The following SETD2 variants were observed in gnomAD, a reference collection of about 807,000 sequenced individuals.
SETD2 encodes SET domain containing 2, histone lysine methyltransferase.
SETD2 carries 31 observed loss-of-function variants against 242.1 expected under a neutral mutation model. The observed-to-expected ratio is 0.13, with a 90% CI of 0.10 to 0.17. The LOEUF (loss-of-function observed/expected upper bound fraction) is 0.17, where lower values mean the gene tolerates loss of function less well. SETD2 is among the 10% of genes least tolerant of loss of function. The pLI is 1.00. For missense variants in SETD2, 2,481 were observed against 3,046.3 expected, an observed-to-expected ratio of 0.81 and a Z score of 4.37; for synonymous variants, 1,006 against 1,066.5, an observed-to-expected ratio of 0.94 and a Z score of 1.11.
At chr3:47,103,317 C>T (rs754442399) in intron 7 of SETD2, 29 bp downstream of exon 7, 1 of 1,490,950 alleles carries the variant, frequency 6.7e-7, no homozygotes. Flanking sequence ...TGAACAAATA[C>T]CTCAAACTCT....
chr3:47,087,654 C>G (rs925821706), intron 10 of SETD2, among the ~76,000 whole-genome samples: 8 of 152,118 alleles, frequency 5.3e-5, no homozygotes, highest in Admixed American at 2.6e-4. Flanking sequence ...AAGTCATACA[C>G]AACTCACATA....
At chr3:47,048,585 AACTT>A (rs2039640534) in intron 15 of SETD2, among the ~76,000 whole-genome samples, 1 of 152,104 alleles carries the variant, frequency 6.6e-6, no homozygotes, top group Non-Finnish European at 1.5e-5. Context: ...AATTAACTGT[AACTT>A]ACTATAACTT....
chr3:47,020,185 T>C (rs2038156450), intron 18 of SETD2, among the ~76,000 whole-genome samples: 1 of 151,970 alleles, frequency 6.6e-6, no homozygotes, highest in Admixed American at 6.6e-5. Flanking sequence ...CAAAACAAGC[T>C]CCATCTCTCC....
At chr3:47,055,264 G>A (rs932466006) in intron 15 of SETD2, among the ~76,000 whole-genome samples, 2 of 152,186 alleles carry the variant, frequency 1.3e-5, no homozygotes, top group African/African-American at 4.8e-5. Context: ...AAAAATTACT[G>A]TTTAATACTA....
intron 12 of SETD2, among the ~76,000 whole-genome samples, chr3:47,075,286 G>A (rs2041009209): frequency 6.6e-6 from 1 of 151,890 alleles, no homozygotes. Flanking sequence ...AAGGCTGGGC[G>A]CGGTGGCTCA....
At chr3:47,072,091 G>A (rs968546727) in intron 12 of SETD2, among the ~76,000 whole-genome samples, 2 of 151,496 alleles carry the variant, frequency 1.3e-5, no homozygotes, top group Non-Finnish European at 2.9e-5. Flanking sequence ...GGCAGATCAC[G>A]AGGTCAGAAG....
Position 47,124,078 on chromosome 3 carries a change from C to T in SETD2, c.558G>A (p.Pro186=), listed in dbSNP as rs183095591. The change falls in exon 3 of 21, where the codon CCG becomes CCA. Residue 186 remains proline (P), a synonymous_variant. Coordinates refer to ENST00000409792, the MANE Select transcript of SETD2 (RefSeq NM_014159.7). ...GAGGCGGTGGAGGCGGAGATGAGGG[C>T]GGTGAGTCTACAGTTGTTGATTCTG... ...VIAESTTVDS[P]PSSPPPPPPP... is the part of the protein sequence containing the mutation. 1.2e-4 allele frequency: 185 copies of T among 1,551,756 alleles called. No individual in the cohort carries two copies. The East Asian group carries it at 1.4e-3, about 11-fold the overall frequency.
At chr3:47,063,060 A>AATCC (rs2040406675) in intron 13 of SETD2, among the ~76,000 whole-genome samples, 11 of 152,308 alleles carry the variant, frequency 7.2e-5, no homozygotes, top group Admixed American at 4.6e-4. Context: ...ATCTGTGCAT[A>AATCC]CTCAAGTCCC....
At chr3:47,063,814 C>T (rs1409037240) in intron 13 of SETD2, among the ~76,000 whole-genome samples, 3 of 152,202 alleles carry the variant, frequency 2.0e-5, no homozygotes, top group Non-Finnish European at 2.9e-5. Flanking sequence ...AAAAACTCTC[C>T]TCTACTAAAA....
upstream of SETD2, chr3:47,164,115 C>T (rs1225982647): frequency 1.9e-6 from 2 of 1,028,878 alleles, no homozygotes; most frequent in African/African-American, 1.7e-5. This position sits in a 1 kb window ranked among gnomAD's most constrained non-coding sequence, Gnocchi z 5.4. Flanking sequence ...CCGCTCTCTC[C>T]CTCTCACCCT....
Position 47,120,595 on chromosome 3 carries a change from G to C in SETD2, c.4041C>G (p.Ser1347=), listed in dbSNP as rs2107743407. 6.2e-7 allele frequency: 1 copy of C among 1,614,022 alleles called. No individual in the cohort carries two copies. Among genetic ancestry groups the C allele is most frequent in the Non-Finnish European group, 8.5e-7 (1 of 1,180,004 alleles). Residue 1347 remains serine (S), a synonymous_variant, in exon 3 of 21, where the codon TCC becomes TCG. Coordinates refer to ENST00000409792, the MANE Select transcript of SETD2 (RefSeq NM_014159.7). ...EEENWDQQDG[S]HFSDQSDKFL... is the part of the protein sequence containing the mutation. The stretch of plus-strand genomic sequence containing the variant: ...ATTTATCGGACTGGTCTGAAAAATG[G>C]GATCCATCCTGTTGATCCCAATTCT...
At chr3:47,077,103 G>A (rs553791164) in intron 12 of SETD2, among the ~76,000 whole-genome samples, 10 of 152,282 alleles carry the variant, frequency 6.6e-5, no homozygotes, top group Non-Finnish European at 1.3e-4. Flanking sequence ...TTTATTTTTC[G>A]AGACAGAATC....
chr3:47,137,483 G>A (rs2043615629), intron 1 of SETD2, among the ~76,000 whole-genome samples: 1 of 151,902 alleles, frequency 6.6e-6, no homozygotes, highest in African/African-American at 2.4e-5. Flanking sequence ...GAGCCACCGC[G>A]CCCAGCCTTC....
chr3:47,051,276 T>C (rs998491675), intron 15 of SETD2, among the ~76,000 whole-genome samples: 1 of 152,158 alleles, frequency 6.6e-6, no homozygotes, highest in East Asian at 1.9e-4. Flanking sequence ...AACTAATTTT[T>C]GTATTTTTTG....
At chr3:47,029,483 C>CAAA (rs56191823) in intron 18 of SETD2, among the ~76,000 whole-genome samples, 1 of 122,016 alleles carries the variant, frequency 8.2e-6, no homozygotes, top group African/African-American at 3.1e-5. Context: ...AAATAAAAAG[C>CAAA]AAAAAAAAAA....
At chr3:47,095,742 A>C (rs1388252162) in intron 9 of SETD2, among the ~76,000 whole-genome samples, 1 of 151,936 alleles carries the variant, frequency 6.6e-6, no homozygotes, top group Non-Finnish European at 1.5e-5. Flanking sequence ...ATGTCAATAA[A>C]CTGTTACATG....
intron 18 of SETD2, among the ~76,000 whole-genome samples, chr3:47,028,014 G>T (rs11707736): frequency 0.35 from 52,723 of 151,610 alleles, 9,589 homozygotes; most frequent in Middle Eastern, 0.48. Flanking sequence ...CAGGATGCTG[G>T]TTTTTTTGTT....
intron 1 of SETD2, among the ~76,000 whole-genome samples, chr3:47,131,073 A>C (rs2106758770): frequency 6.6e-6 from 1 of 152,338 alleles, no homozygotes; most frequent in South Asian, 2.1e-4. Context: ...ATTTGGCCCT[A>C]TCAAGCGCAT....
chr3:47,046,405 A>C (rs2039532747), intron 16 of SETD2, 82 bp downstream of exon 16: 11 of 1,324,882 alleles, frequency 8.3e-6, no homozygotes, highest in Non-Finnish European at 1.0e-5. Context: ...AATAAAACCC[A>C]AAACAAATCC....
Sources: gnomAD v4.1 joint callset for allele counts (sites outside exome capture counted in the v4.1 genomes callset) on GRCh38, gnomAD v4.1.1 for gene constraint, Gnocchi (gnomAD v3.1) non-coding constraint, MANE v1.5 for transcripts, NCBI Gene and HGNC (gene_info 2026-07-23, HGNC 2026-07-21) for gene names.